Variants in PPP4R1 observed in about 807,000 individuals in gnomAD.
PPP4R1 encodes the protein serine/threonine-protein phosphatase 4 regulatory subunit 1.
PPP4R1 carries 42 observed loss-of-function variants against 111.2 expected under a neutral mutation model. That is an observed-to-expected ratio of 0.38 (90% CI 0.29 to 0.49). PPP4R1 has a LOEUF of 0.49. Ranked by LOEUF, PPP4R1 falls within the 20% of genes least tolerant of loss-of-function variation. The pLI is 0.97. For synonymous variants in PPP4R1, 409 were observed against 405.5 expected (o/e 1.01, Z -0.10); for missense variants, 1,012 against 1,161.6 (o/e 0.87, Z 1.87).
intron 6 of PPP4R1, among the ~76,000 whole-genome samples, chr18:9,585,682 AG>A (rs2067103944): frequency 1.3e-5 from 2 of 152,216 alleles, no homozygotes; most frequent in African/African-American, 2.4e-5. Flanking sequence ...AAGTATGTTT[AG>A]GAAGGTTGTA....
Position 9,562,047 on chromosome 18 carries a change from T to C in PPP4R1, c.1775A>G (p.His592Arg). The change falls in exon 13 of 20, where the codon CAC (histidine) becomes CGC (arginine). Residue 592 changes from histidine to arginine, a missense_variant. Coordinates refer to ENST00000400556, the MANE Select transcript of PPP4R1 (RefSeq NM_001042388.3). ...ATTGTTGCTCAAGTCTGAATCGCTGTGAATATAGTGAAGAGTGGAGTCCAT... is the reference window on the plus strand; with the variant it reads ...ATTGTTGCTCAAGTCTGAATCGCTGCGAATATAGTGAAGAGTGGAGTCCAT... ...ENMDSTLHYI[H>R]SDSDLSNNSS... 1 of 1,612,478 alleles carries C rather than the reference T, an allele frequency of 6.2e-7. No homozygotes were observed. Among genetic ancestry groups the C allele is most frequent in the East Asian group, 2.2e-5 (1 of 44,776 alleles).
In PPP4R1 at chr18:9,577,060, A is replaced by T. The variant is rs373639726; in HGVS notation, c.1046+4T>A. The T allele has an allele frequency of 7.8e-6, 12 of 1,534,158 alleles. No individual in the cohort carries two copies. The highest frequency in any genetic ancestry group is 4.2e-5 in the African/African-American group (3 of 71,196). On this transcript the variant is annotated splice_donor_region_variant and intron_variant, in intron 10 of 19. Coordinates refer to ENST00000400556, the MANE Select transcript of PPP4R1 (RefSeq NM_001042388.3). ...AAAATTAGAAAATGGTTTCAAAATT[A>T]TACCTATTTTTGTTTTCTACTGACA...
chr18:9,612,695 C>T (rs1007962188), intron 2 of PPP4R1: 1 of 152,230 alleles, frequency 6.6e-6, no homozygotes, highest in African/African-American at 2.4e-5. Flanking sequence ...CCAATCCTAA[C>T]CTGGCAAGAG....
chr18:9,603,671 A>T (rs969516788), intron 2 of PPP4R1, among the ~76,000 whole-genome samples: 1 of 152,038 alleles, frequency 6.6e-6, no homozygotes, highest in Non-Finnish European at 1.5e-5. Flanking sequence ...TATTTTTTGT[A>T]GAGCTGCTGG....
Position 9,584,566 on chromosome 18 carries a change from A to G in PPP4R1, c.708T>C (p.Asn236=). ...CAACTACACTGCAAATATCTCCAAA[A>G]TTGGCAGCACAGACCTGACAACAAA... ...MFHVRKVCAA[N]FGDICSVVGQ... Residue 236 remains asparagine (N), a synonymous_variant, in exon 8 of 20, where the codon AAT becomes AAC. Transcript: ENST00000400556. 1 of 1,613,332 alleles carries G rather than the reference A, an allele frequency of 6.2e-7. No homozygotes were observed. The highest frequency in any genetic ancestry group is 8.5e-7 in the Non-Finnish European group (1 of 1,179,694).
intron 10 of PPP4R1, among the ~76,000 whole-genome samples, chr18:9,571,360 A>G (rs558929019): frequency 1.4e-4 from 22 of 152,344 alleles, no homozygotes; most frequent in African/African-American, 4.3e-4. Flanking sequence ...GATTACTGCC[A>G]TCTATTATCT....
chr18:9,564,552 G>A (rs1264950911), intron 11 of PPP4R1, among the ~76,000 whole-genome samples: 1 of 152,124 alleles, frequency 6.6e-6, no homozygotes, highest in Admixed American at 6.6e-5. Flanking sequence ...ATTATCTTCA[G>A]AATTTCGGCT....
intron 15 of PPP4R1, among the ~76,000 whole-genome samples, chr18:9,554,126 A>C (rs1348301000): frequency 6.6e-6 from 1 of 150,814 alleles, no homozygotes; most frequent in Non-Finnish European, 1.5e-5. Flanking sequence ...GCAAACAACT[A>C]ATTTTTTTTT....
chr18:9,615,991 C>A (rs919047337), upstream of PPP4R1, among the ~76,000 whole-genome samples: 3 of 151,940 alleles, frequency 2.0e-5, no homozygotes, highest in Non-Finnish European at 1.5e-5. Context: ...CAGAATAGAC[C>A]CCGTAACCCC....
At position 9,614,527 on chromosome 18, in the gene PPP4R1, G is replaced by A. The variant is rs961559855; in HGVS notation, c.-43C>T. 4 of 1,010,168 alleles carry A rather than the reference G, an allele frequency of 4.0e-6. No homozygotes were observed. The highest frequency in any genetic ancestry group is 4.7e-6 in the Non-Finnish European group (4 of 847,474). The allele number at this position is 1,010,168 out of a possible 1,614,324, so 62.6% of individuals were successfully genotyped here. Reference sequence around the variant, plus strand: ...CTCCGCGGCCGCCCGGGGAGCCGGGGCTACATGGAGCGGCGCGAGCCGGGG... The same window carrying A: ...CTCCGCGGCCGCCCGGGGAGCCGGGACTACATGGAGCGGCGCGAGCCGGGG... On this transcript the variant is annotated 5_prime_UTR_variant, in exon 1 of 20. Transcript: ENST00000400556. This position sits in a 1 kb window ranked among gnomAD's most constrained non-coding sequence, Gnocchi z 4.1.
intron 2 of PPP4R1, among the ~76,000 whole-genome samples, chr18:9,600,805 C>T (rs926337429): frequency 1.2e-4 from 18 of 152,144 alleles, no homozygotes; most frequent in East Asian, 1.2e-3. Flanking sequence ...CACTTGAGTA[C>T]GGGAGGCAGA....
At chr18:9,554,569 A>T (rs988454700) in intron 15 of PPP4R1, among the ~76,000 whole-genome samples, 3 of 150,738 alleles carry the variant, frequency 2.0e-5, no homozygotes, top group African/African-American at 7.3e-5. Flanking sequence ...AATTTAATTA[A>T]AAAAAAAAGC....
intron 2 of PPP4R1, among the ~76,000 whole-genome samples, chr18:9,602,820 C>CAAAAAAAAAAAAAAAAAAAAAAAAA (rs536444961): frequency 6.9e-6 from 1 of 144,606 alleles, no homozygotes. Flanking sequence ...GACACTGTCT[C>CAAAAAAAAAAAAAAAAAAAAAAAAA]AAAAAAAAAG....
In PPP4R1 at chr18:9,562,042, C is replaced by T. The variant is rs371770377; in HGVS notation, c.1780G>A (p.Asp594Asn). The T allele has an allele frequency of 3.6e-5, 58 of 1,613,018 alleles. 1 individual carries two copies. Among genetic ancestry groups the T allele is most frequent in the South Asian group, 4.4e-5 (4 of 91,038 alleles). ...MDSTLHYIHS[D>N]SDLSNNSSFS... Reference sequence around the variant, plus strand: ...CTGCTATTGTTGCTCAAGTCTGAATCGCTGTGAATATAGTGAAGAGTGGAG... The same window carrying T: ...CTGCTATTGTTGCTCAAGTCTGAATTGCTGTGAATATAGTGAAGAGTGGAG... Residue 594 changes from aspartate to asparagine, a missense_variant, in exon 13 of 20, where the codon GAT (aspartate) becomes AAT (asparagine). Physicochemically the swap from Asp to Asn is conservative, Grantham distance 23. Coordinates refer to ENST00000400556, the MANE Select transcript of PPP4R1 (RefSeq NM_001042388.3).
At chr18:9,564,153 T>C (rs182500189) in intron 11 of PPP4R1, among the ~76,000 whole-genome samples, 9 of 152,322 alleles carry the variant, frequency 5.9e-5, no homozygotes, top group African/African-American at 2.2e-4. Context: ...GGTTCAAAAA[T>C]CTGGCAACTA....
chr18:9,602,396 A>G (rs2067401213), intron 2 of PPP4R1, among the ~76,000 whole-genome samples: 1 of 111,658 alleles, frequency 9.0e-6, no homozygotes, highest in Non-Finnish European at 1.9e-5. Context: ...AAAAAAAAAA[A>G]TTAGCCGGGC....
At chr18:9,590,419 C>T (rs1403156007) in intron 4 of PPP4R1, among the ~76,000 whole-genome samples, 2 of 152,174 alleles carry the variant, frequency 1.3e-5, no homozygotes, top group African/African-American at 4.8e-5. Context: ...ATACAGGCCT[C>T]TGCTTTTCTC....
At chr18:9,557,429 T>C (rs761951002) in intron 14 of PPP4R1, 47 bp from the exon 15 acceptor site, 1 of 1,495,892 alleles carries the variant, frequency 6.7e-7, no homozygotes, top group Admixed American at 2.4e-5. Flanking sequence ...AAGTACGCAG[T>C]ACTTTAACCA....
Position 9,594,998 on chromosome 18 carries a change from C to CA in PPP4R1, c.188+19dup, listed in dbSNP as rs1470210856. ...AACCACCCTTCCACTTCCACTTTAA[C>CA]AAAAAGAATATGCACATACCTGTTA... On this transcript the variant is annotated intron_variant, in intron 3 of 19. Coordinates refer to ENST00000400556, the MANE Select transcript of PPP4R1 (RefSeq NM_001042388.3). The CA allele has an allele frequency of 6.2e-7, 1 of 1,605,880 alleles. No individual in the cohort carries two copies. Among genetic ancestry groups the CA allele is most frequent in the South Asian group, 1.1e-5 (1 of 90,184 alleles).
Sources: allele counts gnomAD v4.1 joint callset (sites outside exome capture counted in the v4.1 genomes callset), GRCh38; gene constraint gnomAD v4.1.1; non-coding constraint Gnocchi (gnomAD v3.1); transcripts MANE v1.5; gene names NCBI Gene and HGNC (gene_info 2026-07-23, HGNC 2026-07-21).